The following DZIP1L variants were observed in gnomAD, a reference collection of about 807,000 sequenced individuals.
The protein encoded by DZIP1L is DAZ interacting zinc finger protein 1 like, also known as cilium assembly protein DZIP1L.
Under a neutral mutation model 88.7 loss-of-function variants are expected in DZIP1L, and 90 were observed. The ratio of observed to expected loss-of-function variants is 1.02; its 90% CI spans 0.86 to 1.21. The LOEUF is 1.21. Ranked by LOEUF, DZIP1L falls within the 50% of genes most tolerant of loss-of-function variation. DZIP1L has a pLI of 0.00. For synonymous variants in DZIP1L, 363 were observed against 372.1 expected, an observed-to-expected ratio of 0.98 and a Z score of 0.28; for missense variants, 932 against 955.8, an observed-to-expected ratio of 0.98 and a Z score of 0.33.
In DZIP1L at chr3:138,092,222, G is replaced by T; in HGVS notation, c.870+161C>A. On this transcript the variant is annotated intron_variant, in intron 5 of 15. Coordinates refer to ENST00000327532, the MANE Select transcript of DZIP1L (RefSeq NM_173543.3). ...GACACAGCAGTGATTCAACCCCAAG[G>T]CGTCTGAAATCTGGGCCTCTAATAT... 4.2e-6 allele frequency: 3 copies of T among 717,670 alleles called. No homozygotes were observed. In the Middle Eastern group the frequency reaches 1.2e-3, roughly 292 times the overall value. The allele number at this position is 717,670 out of a possible 1,614,324, so 44.5% of individuals were successfully genotyped here. A position where few individuals can be genotyped will look rare whatever the true frequency, so the allele number is the denominator to read the frequency against.
chr3:138,111,471 G>A (rs2042618880), intron 1 of DZIP1L, among the ~76,000 whole-genome samples: 1 of 152,198 alleles, frequency 6.6e-6, no homozygotes, highest in Non-Finnish European at 1.5e-5. Context: ...CACGCTGACT[G>A]TCAAGATATG....
intron 2 of DZIP1L, among the ~76,000 whole-genome samples, chr3:138,098,875 G>A (rs886819290): frequency 2.0e-5 from 3 of 152,244 alleles, no homozygotes; most frequent in African/African-American, 7.2e-5. Flanking sequence ...GCTGGGCACA[G>A]TGGCTCACAC....
At position 138,084,204 on chromosome 3, in the gene DZIP1L, T is replaced by C. The variant is rs746777390; in HGVS notation, c.1112A>G (p.Lys371Arg). 5.6e-6 allele frequency: 9 copies of C among 1,614,108 alleles called. No individual in the cohort carries two copies. Among genetic ancestry groups the C allele is most frequent in the Non-Finnish European group, 7.6e-6 (9 of 1,180,028 alleles). Residue 371 changes from lysine to arginine, a missense_variant, in exon 8 of 16, where the codon AAG becomes AGG. Lys to Arg is a conservative substitution (Grantham distance 26). Transcript: ENST00000327532. Reference sequence around the variant, plus strand: ...GCACTGGGACTGGGCAGCTGCCTTCTTCTGATCCTGAGACAGGGAGGCCTG... The same window carrying C: ...GCACTGGGACTGGGCAGCTGCCTTCCTCTGATCCTGAGACAGGGAGGCCTG... Reference protein sequence around the residue: ...RLQASLSQDQKKAAAQSQCQI... With the variant: ...RLQASLSQDQRKAAAQSQCQI...
chr3:138,091,048 T>C (rs934138802), intron 5 of DZIP1L, among the ~76,000 whole-genome samples: 4 of 151,886 alleles, frequency 2.6e-5, no homozygotes, highest in African/African-American at 9.7e-5. Flanking sequence ...CACACCCAGC[T>C]AATTTTTGTA....
At chr3:138,089,280 C>A (rs1202881147) in intron 5 of DZIP1L, 1 of 985,320 alleles carries the variant, frequency 1.0e-6, no homozygotes, top group Non-Finnish European at 1.2e-6. Context: ...TGAATATTTT[C>A]AGAGTCAAAT....
Position 138,086,971 on chromosome 3 carries a change from T to A in DZIP1L, c.1052A>T (p.Glu351Val). The change falls in exon 7 of 16, where the codon GAG becomes GTG. Residue 351 changes from glutamate to valine, a missense_variant. Transcript: ENST00000327532. ...CCCAACAAAAGCTACCTCTTTCTTC[T>A]CAGCCATGTGCTCTTCATGCAGTTC... ...VKELHEEHMAEKKELQEENQR... is the reference protein window; with the variant it reads ...VKELHEEHMAVKKELQEENQR... 6.2e-7 allele frequency: 1 copy of A among 1,614,004 alleles called. No individual in the cohort carries two copies. Among genetic ancestry groups the A allele is most frequent in the South Asian group, 1.1e-5 (1 of 91,032 alleles).
At chr3:138,089,851 A>G (rs1203351934) in intron 5 of DZIP1L, among the ~76,000 whole-genome samples, 1 of 152,178 alleles carries the variant, frequency 6.6e-6, no homozygotes, top group Admixed American at 6.5e-5. Flanking sequence ...AAAGGTTTTT[A>G]AAAAAGAGTA....
At position 138,088,497 on chromosome 3, in the gene DZIP1L, G is replaced by T. The variant is rs751169623; in HGVS notation, c.881C>A (p.Ala294Glu). ...CTCCATCACACTGTGGGACTGCAGT[G>T]CCCGCAGTTTCTGAAAAGGCCAGGG... Reference protein sequence around the residue: ...QNSTLEEKLRALQSHSVMESK... With the variant: ...QNSTLEEKLRELQSHSVMESK... The change falls in exon 6 of 16, where the codon GCA becomes GAA. Residue 294 changes from alanine to glutamate, a missense_variant. Coordinates refer to ENST00000327532, the MANE Select transcript of DZIP1L (RefSeq NM_173543.3). 1 of 1,613,078 alleles carries T rather than the reference G, an allele frequency of 6.2e-7. No individual in the cohort carries two copies.
chr3:138,095,608 G>A (rs879478823), intron 3 of DZIP1L, among the ~76,000 whole-genome samples: 9 of 151,956 alleles, frequency 5.9e-5, no homozygotes, highest in African/African-American at 1.5e-4. Flanking sequence ...GTGAAACCCC[G>A]TCTCTACTAA....
At chr3:138,077,097 C>T (rs1943448648) in intron 11 of DZIP1L, among the ~76,000 whole-genome samples, 1 of 151,698 alleles carries the variant, frequency 6.6e-6, no homozygotes, top group African/African-American at 2.4e-5. Flanking sequence ...GCTGAGTGGA[C>T]ACAGCCACAT....
At position 138,104,057 on chromosome 3, in the gene DZIP1L, A is replaced by G. The variant is rs143295873; in HGVS notation, c.-81-5T>C. 60 of 1,516,510 alleles carry G rather than the reference A, an allele frequency of 4.0e-5. No homozygotes were observed. In the East Asian group the frequency reaches 1.3e-3, roughly 34 times the overall value. 93.9% of individuals were successfully genotyped at this position (1,516,510 alleles called of 1,614,324 possible). ...GCCAAGGAGCTGAGAGAAGGCCTGG[A>G]AAATAAGAAGAGAGTCCAAGTTAGG... On this transcript the variant is annotated splice_region_variant and splice_polypyrimidine_tract_variant and intron_variant, in intron 1 of 15. Transcript: ENST00000327532.
intron 1 of DZIP1L, among the ~76,000 whole-genome samples, chr3:138,106,385 G>A (rs373031683): frequency 1.3e-5 from 2 of 150,662 alleles, no homozygotes; most frequent in African/African-American, 2.4e-5. Context: ...TGATCCACCC[G>A]CCTCAGCCTC....
intron 2 of DZIP1L, 21 bp from the exon 3 acceptor site, chr3:138,097,868 G>A: frequency 6.2e-7 from 1 of 1,600,034 alleles, no homozygotes; most frequent in Non-Finnish European, 8.5e-7. Context: ...AGGAAGCAAT[G>A]GGGAGTACAA....
At chr3:138,081,325 C>A (rs1202873863) in intron 9 of DZIP1L, among the ~76,000 whole-genome samples, 1 of 152,152 alleles carries the variant, frequency 6.6e-6, no homozygotes, top group Non-Finnish European at 1.5e-5. Flanking sequence ...ACTGTATATG[C>A]CAAACAGGAC....
chr3:138,092,476 C>T lies in DZIP1L; in HGVS notation c.777G>A (p.Glu259=), dbSNP rs1422375605. ...KKEFDKWKEQ[E]WTKLYGEIDK... The stretch of plus-strand genomic sequence containing the variant: ...CTATTTCCCCATAAAGTTTGGTCCA[C>T]TCTTGCTCTTTCCATTTATCAAATT... The change falls in exon 5 of 16, where the codon GAG becomes GAA. Residue 259 remains glutamate, a synonymous_variant. Coordinates refer to ENST00000327532, the MANE Select transcript of DZIP1L (RefSeq NM_173543.3). 1 of 1,604,572 alleles carries T rather than the reference C, an allele frequency of 6.2e-7. No individual in the cohort carries two copies. Among genetic ancestry groups the T allele is most frequent in the Non-Finnish European group, 8.5e-7 (1 of 1,177,026 alleles).
Position 138,084,779 on chromosome 3 carries a change from A to AAATGTG in DZIP1L, c.1063-532_1063-527dup, listed in dbSNP as rs561589872. ...ATATTTCTCCTGTTTTTGGAACAGG[A>AAATGTG]AATGTGAATGTGAATGTGAATGTAT... On this transcript the variant is annotated intron_variant, in intron 7 of 15. Coordinates refer to ENST00000327532, the MANE Select transcript of DZIP1L (RefSeq NM_173543.3). Among the ~76,000 whole-genome samples the AAATGTG allele has an allele frequency of 3.0e-3, 460 of 152,338 alleles. 2 individuals are homozygous for AAATGTG. The highest frequency in any genetic ancestry group is 0.016 in the South Asian group (76 of 4,820).
chr3:138,080,232 CAT>C (rs1459650420), intron 10 of DZIP1L: 2 of 225,402 alleles, frequency 8.9e-6, no homozygotes, highest in Non-Finnish European at 1.8e-5. Flanking sequence ...CACTGTTCTG[CAT>C]AGTCGCAGGT....
In DZIP1L at chr3:138,094,224, C is replaced by A. The variant is rs115121997; in HGVS notation, c.708+638G>T. Among the ~76,000 whole-genome samples, 1,047 of 152,228 alleles carry A rather than the reference C, an allele frequency of 6.9e-3. 7 individuals are homozygous for A. The highest frequency in any genetic ancestry group is 0.012 in the Non-Finnish European group (794 of 68,014). ...AAAGTTTGAAATATTGTGAGAATTA[C>A]CAAAATGTGATACATAGACATGAAG... On this transcript the variant is annotated intron_variant, in intron 4 of 15. Coordinates refer to ENST00000327532, the MANE Select transcript of DZIP1L (RefSeq NM_173543.3).
intron 12 of DZIP1L, among the ~76,000 whole-genome samples, chr3:138,071,280 T>C (rs1943165273): frequency 6.6e-6 from 1 of 152,012 alleles, no homozygotes; most frequent in African/African-American, 2.4e-5. Flanking sequence ...AGAAACTGAA[T>C]AGGCTGCTCT....
Sources: gnomAD v4.1 joint callset for allele counts (sites outside exome capture counted in the v4.1 genomes callset) on GRCh38, gnomAD v4.1.1 for gene constraint, MANE v1.5 for transcripts, NCBI Gene and HGNC (gene_info 2026-07-23, HGNC 2026-07-21) for gene names.